Variants in YBEY observed in about 807,000 individuals in gnomAD.
The protein encoded by YBEY is ybeY metalloendoribonuclease.
Under a neutral mutation model 13.5 loss-of-function variants are expected in YBEY, and 15 were observed. That is an observed-to-expected ratio of 1.11 (90% confidence interval 0.75 to 1.72). YBEY has a LOEUF of 1.72. YBEY is among the 40% of genes most tolerant of loss of function. The pLI is 0.00. For missense variants in YBEY, 244 were observed against 208.4 expected (o/e 1.17, Z -1.05); for synonymous variants, 101 against 83.1 (o/e 1.21, Z -1.17).
intron 3 of YBEY, among the ~76,000 whole-genome samples, chr21:46,295,238 G>A (rs933596713): frequency 5.9e-5 from 9 of 152,150 alleles, no homozygotes; most frequent in Admixed American, 3.3e-4. Flanking sequence ...CACCAGCCCA[G>A]GACCCCATCC....
At chr21:46,311,752 C>A in the YBEY span, 1 of 418,946 alleles carries the variant, frequency 2.4e-6, no homozygotes, top group East Asian at 3.6e-5. Context: ...TCCACCCACT[C>A]ATCCATCCAC....
chr21:46,301,394 G>A, downstream of YBEY: 1 of 779,310 alleles, frequency 1.3e-6, no homozygotes, highest in Non-Finnish European at 1.6e-6. Flanking sequence ...TGATCCTCCT[G>A]CCTCAGCCTC....
intron 3 of YBEY, among the ~76,000 whole-genome samples, chr21:46,295,364 AC>A (rs1442783458): frequency 1.3e-5 from 2 of 149,932 alleles, no homozygotes; most frequent in African/African-American, 4.9e-5. Flanking sequence ...AAGGATACCC[AC>A]CTCCCAGACC....
chr21:46,286,956 A>T lies in YBEY; in HGVS notation c.43A>T (p.Arg15Trp). The T allele has an allele frequency of 1.2e-6, 2 of 1,614,146 alleles. 1 individual carries two copies. The highest frequency in any genetic ancestry group is 1.7e-6 in the Non-Finnish European group (2 of 1,180,028). ...AAATCTGCAGCGAGTCATCCCCATCAGGAGAGCGCCACTTCGCAGTAAGAT... is the reference window on the plus strand; with the variant it reads ...AAATCTGCAGCGAGTCATCCCCATCTGGAGAGCGCCACTTCGCAGTAAGAT... Reference protein sequence around the residue: ...IRNLQRVIPIRRAPLRSKIEI... With the variant: ...IRNLQRVIPIWRAPLRSKIEI... Residue 15 changes from arginine (R) to tryptophan (W), a missense_variant, in exon 2 of 5, where the codon AGG (arginine) becomes TGG (tryptophan). Physicochemically the swap from Arg to Trp is moderately radical, Grantham distance 101 (BLOSUM62 -3). Transcript: ENST00000397701.
In YBEY at chr21:46,297,535, C is replaced by T. The variant is rs1007343271; in HGVS notation, c.409-4C>T. 1.4e-6 allele frequency: 2 copies of T among 1,385,692 alleles called. No individual in the cohort carries two copies. The highest frequency in any genetic ancestry group is 1.5e-5 in the African/African-American group (1 of 66,530). 85.8% of individuals were successfully genotyped at this position (1,385,692 alleles called of 1,614,324 possible). A position where few individuals can be genotyped will look rare whatever the true frequency, so the allele number is the denominator to read the frequency against. ...GGAGGGCCAGCGCGCTTCCTTCCTT[C>T]CAGATGTTCCAGAAGGAGAAGGCGG... On this transcript the variant is annotated splice_region_variant and splice_polypyrimidine_tract_variant and intron_variant, in intron 4 of 4. Transcript: ENST00000397701.
Position 46,297,622 on chromosome 21 carries a change from C to G in YBEY, c.492C>G (p.Phe164Leu). Residue 164 changes from phenylalanine to leucine, a missense_variant, in exon 5 of 5, where the codon TTC (phenylalanine) becomes TTG (leucine). By Grantham distance (22) the Phe-to-Leu change is conservative (BLOSUM62 0). Coordinates refer to ENST00000397701, the MANE Select transcript of YBEY (RefSeq NM_001314025.2). ...TRLQPLTRGL[F>L]GGS ...TGCAGCCCCTGACCCGGGGCCTCTT[C>G]GGAGGGAGCTGAGGGCCGCGTTCCT... is the stretch of plus-strand genomic sequence containing the variant. 1 of 1,345,544 alleles carries G rather than the reference C, an allele frequency of 7.4e-7. No homozygotes were observed. Among genetic ancestry groups the G allele is most frequent in the South Asian group, 1.9e-5 (1 of 52,854 alleles). 83.4% of individuals were successfully genotyped at this position (1,345,544 alleles called of 1,614,324 possible). A position where few individuals can be genotyped will look rare whatever the true frequency, so the allele number is the denominator to read the frequency against.
chr21:46,291,216 A>AAAAAAAAAAAAAAG (rs371481603), intron 2 of YBEY, 118 bp from the exon 3 acceptor site: 6 of 836,554 alleles, frequency 7.2e-6, no homozygotes, highest in Non-Finnish European at 3.2e-6. Flanking sequence ...AAAAAAAAAA[A>AAAAAAAAAAAAAAG]GTGATTTGGC....
chr21:46,286,506 C>T (rs1445884090), intron 1 of YBEY, 91 bp downstream of exon 1: 4 of 168,688 alleles, frequency 2.4e-5, no homozygotes, highest in African/African-American at 4.8e-5. Flanking sequence ...GAGGACCCGG[C>T]CCCCAACGCT....
At chr21:46,312,918 A>G in the YBEY span, 6 of 853,272 alleles carry the variant, frequency 7.0e-6, no homozygotes, top group Non-Finnish European at 8.5e-6. Context: ...ACGTCATGAA[A>G]ATGAACTTTG....
chr21:46,306,468 C>T, the YBEY span, among the ~76,000 whole-genome samples: 1 of 152,112 alleles, frequency 6.6e-6, no homozygotes, highest in African/African-American at 2.4e-5. Flanking sequence ...CACTGCACTC[C>T]AGCCTGGCAA....
chr21:46,286,734 TGTG>T (rs1231649909), intron 1 of YBEY, 133 bp from the exon 2 acceptor site: 5 of 607,628 alleles, frequency 8.2e-6, no homozygotes, highest in African/African-American at 1.9e-5. Flanking sequence ...GCTTCCTCCT[TGTG>T]GTAAATGTAA....
downstream of YBEY, chr21:46,302,338 C>T (rs2082143083): frequency 1.8e-6 from 2 of 1,137,442 alleles, no homozygotes; most frequent in East Asian, 5.2e-5. Flanking sequence ...TGGGCTGGGA[C>T]TCGATGGGGA....
chr21:46,297,494 C>G (rs1307845578), intron 4 of YBEY, 45 bp from the exon 5 acceptor site: 6 of 1,337,976 alleles, frequency 4.5e-6, no homozygotes, highest in Non-Finnish European at 5.8e-6. Context: ...GAGTGGGGCG[C>G]GGACACCTTC....
chr21:46,294,617 G>A (rs2081882909), intron 3 of YBEY, among the ~76,000 whole-genome samples: 1 of 99,506 alleles, frequency 1.0e-5, no homozygotes, highest in African/African-American at 3.4e-5. Context: ...GGACTCAGTG[G>A]GGACAGCCAC....
chr21:46,298,446 T>TTTTTTTTTTTTTG (rs1375821400), downstream of YBEY, among the ~76,000 whole-genome samples: 1 of 139,732 alleles, frequency 7.2e-6, no homozygotes, highest in Admixed American at 7.7e-5. Flanking sequence ...TTTTTTTTTT[T>TTTTTTTTTTTTTG]GAGACGGAGT....
At chr21:46,291,093 A>C (rs1041634319) in intron 2 of YBEY, among the ~76,000 whole-genome samples, 4 of 149,394 alleles carry the variant, frequency 2.7e-5, no homozygotes, top group African/African-American at 7.4e-5. Flanking sequence ...GCTACTCAGG[A>C]GGCTGAGACA....
At chr21:46,287,203 GTTTTT>G in intron 2 of YBEY, 80 bp downstream of exon 2, 4 of 1,374,572 alleles carry the variant, frequency 2.9e-6, no homozygotes, top group Non-Finnish European at 3.9e-6. Flanking sequence ...GTTTTGTTTT[GTTTTT>G]TAATTGAGAC....
chr21:46,311,154 G>A, the YBEY span, among the ~76,000 whole-genome samples: 2 of 152,074 alleles, frequency 1.3e-5, no homozygotes, highest in African/African-American at 2.4e-5. Flanking sequence ...ACAAGCGTGA[G>A]CCACCGAGCC....
At chr21:46,312,058 A>ACCACCCACCCATCCAT in the YBEY span, among the ~76,000 whole-genome samples, 1 of 115,006 alleles carries the variant, frequency 8.7e-6, no homozygotes, top group African/African-American at 3.3e-5. Flanking sequence ...CAACCAACCA[A>ACCACCCACCCATCCAT]CCACCCACCC....
Sources: gnomAD v4.1 joint callset for allele counts (sites outside exome capture counted in the v4.1 genomes callset) on GRCh38, gnomAD v4.1.1 for gene constraint, MANE v1.5 for transcripts, NCBI Gene and HGNC (gene_info 2026-07-23, HGNC 2026-07-21) for gene names.